SCLT1: variants seen among roughly 807,000 people sequenced by gnomAD.
SCLT1 encodes the protein sodium channel and clathrin linker 1.
Under a neutral mutation model 112.8 loss-of-function variants are expected in SCLT1, and 78 were observed. The observed-to-expected ratio is 0.69, with a 90% CI of 0.58 to 0.83. The LOEUF is 0.83. Among genes scored for constraint, SCLT1 ranks in the 40% least tolerant of loss-of-function variants. The probability of loss-of-function intolerance (pLI) is 0.00; values close to 1 mark genes in which losing one functional copy is unlikely to be tolerated. For missense variants in SCLT1, 747 were observed against 770.4 expected (o/e 0.97, Z 0.36); for synonymous variants, 257 against 254.7 (o/e 1.01, Z -0.09).
chr4:129,061,221 G>A lies in SCLT1; in HGVS notation c.103-17170C>T, dbSNP rs74507104. On this transcript the variant is annotated intron_variant, in intron 2 of 20. Transcript: ENST00000281142. ...CTGTATCTTACTTTCTGTGAGGGCA[G>A]ATGCGCGGCAGCAAGTTTCCCAGAA... Among the ~76,000 whole-genome samples, 715 of 152,264 alleles carry A rather than the reference G, an allele frequency of 4.7e-3. 4 individuals are homozygous for A. The highest frequency in any genetic ancestry group is 0.016 in the African/African-American group (655 of 41,536).
At chr4:129,067,321 T>C (rs1053543584) in intron 2 of SCLT1, among the ~76,000 whole-genome samples, 1 of 151,832 alleles carries the variant, frequency 6.6e-6, no homozygotes, top group Non-Finnish European at 1.5e-5. Context: ...ACTCTTGAAA[T>C]GCAAAATTTT....
chr4:128,942,935 C>T lies in SCLT1; in HGVS notation c.1632+61G>A, dbSNP rs1033605773. On this transcript the variant is annotated intron_variant, in intron 17 of 20. Coordinates refer to ENST00000281142, the MANE Select transcript of SCLT1 (RefSeq NM_144643.4). ...CTTAAAGATGTTTTGCTAGGTCTCTCTAAATATTCTCTATACTTTGATTTT... is the reference window on the plus strand; with the variant it reads ...CTTAAAGATGTTTTGCTAGGTCTCTTTAAATATTCTCTATACTTTGATTTT... The T allele has an allele frequency of 8.4e-6, 11 of 1,315,704 alleles. No homozygotes were observed. In the African/African-American group the frequency reaches 1.5e-4, roughly 18 times the overall value. 81.5% of individuals were successfully genotyped at this position (1,315,704 alleles called of 1,614,324 possible). A position where few individuals can be genotyped will look rare whatever the true frequency, so the allele number is the denominator to read the frequency against.
At chr4:129,040,030 AG>A (rs1232516097) in intron 4 of SCLT1, 1 of 599,988 alleles carries the variant, frequency 1.7e-6, no homozygotes, top group East Asian at 2.8e-5. Flanking sequence ...CCTAAGCTAA[AG>A]GAGAGAAGCT....
At chr4:128,902,009 T>C (rs1412597950) in intron 18 of SCLT1, among the ~76,000 whole-genome samples, 1 of 152,044 alleles carries the variant, frequency 6.6e-6, no homozygotes, top group Non-Finnish European at 1.5e-5. Context: ...CTTGACCTTC[T>C]AGGCTCAAGT....
At chr4:128,903,102 C>T (rs541290876) in intron 18 of SCLT1, among the ~76,000 whole-genome samples, 8 of 151,932 alleles carry the variant, frequency 5.3e-5, no homozygotes, top group Admixed American at 2.6e-4. Context: ...TAGGAGTATG[C>T]TCTAAGATAA....
chr4:129,071,306 T>C lies in SCLT1; in HGVS notation c.102+11000A>G, dbSNP rs557458560. Among the ~76,000 whole-genome samples, 10 of 152,292 alleles carry C rather than the reference T, an allele frequency of 6.6e-5. No individual in the cohort carries two copies. In the South Asian group the frequency reaches 1.9e-3, roughly 28 times the overall value. On this transcript the variant is annotated intron_variant, in intron 2 of 20. Coordinates refer to ENST00000281142, the MANE Select transcript of SCLT1 (RefSeq NM_144643.4). ...TCTGTTAAGTCCATTTGTTCCAAGG[T>C]ATAGTTTAAATCCCTTGTTTCTTTG...
chr4:129,033,496 TTAAAG>T (rs1487745753), intron 5 of SCLT1, among the ~76,000 whole-genome samples: 2 of 57,626 alleles, frequency 3.5e-5, no homozygotes, highest in African/African-American at 6.1e-5. Flanking sequence ...ATCCCAGAAC[TTAAAG>T]TAAAAAAAAA....
chr4:128,995,608 C>T (rs1742945558), intron 8 of SCLT1, among the ~76,000 whole-genome samples: 1 of 152,004 alleles, frequency 6.6e-6, no homozygotes, highest in African/African-American at 2.4e-5. Flanking sequence ...ATCAGCTGGC[C>T]AGAGATTCAG....
intron 2 of SCLT1, among the ~76,000 whole-genome samples, chr4:129,063,529 G>C (rs1009599364): frequency 6.6e-6 from 1 of 152,200 alleles, no homozygotes; most frequent in African/African-American, 2.4e-5. Context: ...AGCTGACTGT[G>C]CTTGCATTCC....
chr4:129,051,918 G>C (rs1231088605), intron 2 of SCLT1, among the ~76,000 whole-genome samples: 1 of 152,144 alleles, frequency 6.6e-6, no homozygotes, highest in Non-Finnish European at 1.5e-5. Context: ...CTAGCTTATT[G>C]AGAGTTTTTA....
chr4:129,076,230 G>A (rs1339051137), intron 2 of SCLT1, among the ~76,000 whole-genome samples: 1 of 152,110 alleles, frequency 6.6e-6, no homozygotes, highest in Admixed American at 6.6e-5. Context: ...TGTCCCCAGA[G>A]CTTACCTAGC....
intron 2 of SCLT1, among the ~76,000 whole-genome samples, chr4:129,049,917 G>T (rs753423505): frequency 6.6e-6 from 1 of 152,072 alleles, no homozygotes; most frequent in Non-Finnish European, 1.5e-5. Flanking sequence ...AGGCCCTGGT[G>T]TGTGATGTTC....
At chr4:128,931,987 T>C (rs1736813003) in intron 18 of SCLT1, among the ~76,000 whole-genome samples, 1 of 151,828 alleles carries the variant, frequency 6.6e-6, no homozygotes, top group Non-Finnish European at 1.5e-5. Flanking sequence ...TCTGGTTTAA[T>C]ATCACTGGTA....
At chr4:129,079,986 C>T (rs972846978) in intron 2 of SCLT1, among the ~76,000 whole-genome samples, 1 of 152,228 alleles carries the variant, frequency 6.6e-6, no homozygotes, top group Non-Finnish European at 1.5e-5. Flanking sequence ...GCGATGTTAT[C>T]TGGGGCCCTT....
Position 128,893,758 on chromosome 4 carries a change from G to A in SCLT1, c.1830-2621C>T, listed in dbSNP as rs1478149026. Among the ~76,000 whole-genome samples, 7 of 152,246 alleles carry A rather than the reference G, an allele frequency of 4.6e-5. No individual in the cohort carries two copies. In the East Asian group the frequency reaches 9.7e-4, roughly 21 times the overall value. ...AGGTTTCACCATATTAGCCAGGATG[G>A]TCTCAATCTCCTGACCTCGTGAGCC... is the stretch of plus-strand genomic sequence containing the variant. On this transcript the variant is annotated intron_variant, in intron 18 of 20. Coordinates refer to ENST00000281142, the MANE Select transcript of SCLT1 (RefSeq NM_144643.4).
chr4:128,940,616 T>C (rs1737609434), intron 17 of SCLT1, among the ~76,000 whole-genome samples: 1 of 151,948 alleles, frequency 6.6e-6, no homozygotes, highest in Non-Finnish European at 1.5e-5. Flanking sequence ...ATGTCAAAAA[T>C]ACATATGTGT....
rs761385206 is a variant in SCLT1 at position 128,992,188 on chromosome 4, TC to T, written c.664del (p.Glu222AsnfsTer12). 1.9e-6 allele frequency: 3 copies of T among 1,596,874 alleles called. No individual in the cohort carries two copies. In the African/African-American group the frequency reaches 4.0e-5, roughly 21 times the overall value. Reference protein sequence around the residue: ...KTVTEQSVIIEQLRKKLRQAK... With the variant: ...KTVTEQSVIIXQLRKKLRQAK... The stretch of plus-strand genomic sequence containing the variant: ...ATACCTAAGTTTTTTTCGGAGTTGT[TC>T]GATTATCACACTTTGTTCAGTTACT... On this transcript the variant is annotated frameshift_variant, in exon 9 of 21. Transcript: ENST00000281142. LOFTEE classifies it high-confidence loss of function.
chr4:128,991,063 G>A (rs1742525726), intron 9 of SCLT1, among the ~76,000 whole-genome samples: 1 of 151,550 alleles, frequency 6.6e-6, no homozygotes, highest in South Asian at 2.1e-4. Context: ...ATTCTTTACA[G>A]AAATAGAAAA....
chr4:128,960,877 G>A (rs1211166434), intron 11 of SCLT1, among the ~76,000 whole-genome samples: 9 of 121,446 alleles, frequency 7.4e-5, no homozygotes, highest in Admixed American at 2.1e-4. Flanking sequence ...CAGAGATTGC[G>A]CCACTGCAGT....
Sources: allele counts gnomAD v4.1 joint callset (sites outside exome capture counted in the v4.1 genomes callset), GRCh38; gene constraint gnomAD v4.1.1; transcripts MANE v1.5; gene names NCBI Gene and HGNC (gene_info 2026-07-23, HGNC 2026-07-21).